Variants in GRIN3A observed in about 807,000 individuals in gnomAD.
GRIN3A encodes glutamate ionotropic receptor NMDA type subunit 3A, also known as glutamate receptor ionotropic, NMDA 3A.
GRIN3A carries 47 observed loss-of-function variants against 92.4 expected under a neutral mutation model. That is an observed-to-expected ratio of 0.51 (90% CI 0.40 to 0.65). GRIN3A has a LOEUF of 0.65. GRIN3A is among the 30% of genes least tolerant of loss of function. GRIN3A has a pLI of 0.00. For missense variants in GRIN3A, 1,324 were observed against 1,393.1 expected (o/e 0.95, Z 0.79); for synonymous variants, 527 against 540.6 (o/e 0.97, Z 0.35).
At chr9:101,652,304 A>G (rs551161411) in intron 3 of GRIN3A, among the ~76,000 whole-genome samples, 1 of 152,108 alleles carries the variant, frequency 6.6e-6, no homozygotes, top group South Asian at 2.1e-4. Flanking sequence ...GCAAATGTTT[A>G]TCAAGTGCCA....
At chr9:101,644,462 A>AAAAAAT (rs1828908716) in intron 3 of GRIN3A, among the ~76,000 whole-genome samples, 2 of 126,736 alleles carry the variant, frequency 1.6e-5, no homozygotes, top group African/African-American at 9.1e-5. Flanking sequence ...TAGTCACTCA[A>AAAAAAT]AAAAAAAAAA....
Position 101,633,657 on chromosome 9 carries a change from A to C in GRIN3A, c.2353-5256T>G, listed in dbSNP as rs556318883. Among the ~76,000 whole-genome samples the C allele has an allele frequency of 2.0e-5, 3 of 152,290 alleles. No individual in the cohort carries two copies. The South Asian group carries it at 6.2e-4, about 32-fold the overall frequency. ...GCATGAACCCTATTGTGAACTGCAA[A>C]TGTGAGAGATCTAGGTTGCACATCC... On this transcript the variant is annotated intron_variant, in intron 3 of 8. Coordinates refer to ENST00000361820, the MANE Select transcript of GRIN3A (RefSeq NM_133445.3).
chr9:101,614,486 T>C (rs916836428), intron 5 of GRIN3A, among the ~76,000 whole-genome samples: 4 of 152,080 alleles, frequency 2.6e-5, no homozygotes, highest in African/African-American at 9.7e-5. Context: ...TAATATGCCA[T>C]TGAATGAAAA....
At chr9:101,627,738 A>T (rs1785756752) in intron 4 of GRIN3A, among the ~76,000 whole-genome samples, 1 of 152,202 alleles carries the variant, frequency 6.6e-6, no homozygotes, top group African/African-American at 2.4e-5. Flanking sequence ...CTTCTCATAA[A>T]TTCTGATGAG....
chr9:101,627,913 A>C (rs2417290), intron 4 of GRIN3A, among the ~76,000 whole-genome samples: 42,704 of 152,038 alleles, frequency 0.28, 6,459 homozygotes, highest in East Asian at 0.46. Context: ...TCCTCTGGCC[A>C]TATTCCCTGT....
chr9:101,712,685 AT>A (rs1199059937), intron 1 of GRIN3A, among the ~76,000 whole-genome samples: 1 of 152,240 alleles, frequency 6.6e-6, no homozygotes, highest in African/African-American at 2.4e-5. Flanking sequence ...CTCTAAAAAC[AT>A]CTACTAATAA....
chr9:101,632,969 T>A (rs577614421), intron 3 of GRIN3A, among the ~76,000 whole-genome samples: 1 of 152,326 alleles, frequency 6.6e-6, no homozygotes, highest in East Asian at 1.9e-4. Context: ...TCAACCTTTT[T>A]AGGCCTTGGG....
intron 1 of GRIN3A, among the ~76,000 whole-genome samples, chr9:101,693,421 G>GA (rs200855469): frequency 0.019 from 2,819 of 146,418 alleles, 63 homozygotes; most frequent in Admixed American, 0.051. Context: ...CTGTCTAAAA[G>GA]AAAAAAAAAA....
intron 3 of GRIN3A, among the ~76,000 whole-genome samples, chr9:101,645,715 AATGTTATATATTAT>A (rs1408614558): frequency 2.7e-5 from 4 of 147,974 alleles, no homozygotes; most frequent in East Asian, 3.9e-4. Flanking sequence ...ATATATATTA[AATGTTATATATTAT>A]ATGTTATATA....
chr9:101,695,053 C>T (rs115248109), intron 1 of GRIN3A, among the ~76,000 whole-genome samples: 292 of 152,200 alleles, frequency 1.9e-3, no homozygotes, highest in African/African-American at 6.7e-3. Flanking sequence ...TCCTCTTTTG[C>T]GTAATGAAAA....
chr9:101,608,619 T>A (rs1828317157), intron 6 of GRIN3A, among the ~76,000 whole-genome samples: 1 of 152,194 alleles, frequency 6.6e-6, no homozygotes, highest in South Asian at 2.1e-4. Flanking sequence ...TTATCATATG[T>A]AGGAATATGC....
At chr9:101,670,021 A>C in intron 3 of GRIN3A, 39 bp downstream of exon 3, 1 of 1,399,278 alleles carries the variant, frequency 7.1e-7, no homozygotes, top group Non-Finnish European at 1.0e-6. Flanking sequence ...CGGAATTATA[A>C]TGGACAATCA....
In GRIN3A at chr9:101,631,965, G is replaced by C. The variant is rs78203246; in HGVS notation, c.2353-3564C>G. ...CTCACTTGCTTAATGCCCATCAATGGCTCCCCCATGGCCCTTGGGATGAAG... is the reference window on the plus strand; with the variant it reads ...CTCACTTGCTTAATGCCCATCAATGCCTCCCCCATGGCCCTTGGGATGAAG... On this transcript the variant is annotated intron_variant, in intron 3 of 8. Transcript: ENST00000361820. Among the ~76,000 whole-genome samples, 128 of 152,150 alleles carry C rather than the reference G, an allele frequency of 8.4e-4. 1 individual carries two copies. Among genetic ancestry groups the C allele is most frequent in the African/African-American group, 2.6e-3 (109 of 41,492 alleles).
At chr9:101,669,129 C>T (rs188971847) in intron 3 of GRIN3A, among the ~76,000 whole-genome samples, 40 of 152,218 alleles carry the variant, frequency 2.6e-4, no homozygotes, top group African/African-American at 3.9e-4. Flanking sequence ...GAATGCACTG[C>T]AGCTTCAGAT....
chr9:101,722,207 C>G (rs1694424527), intron 1 of GRIN3A, among the ~76,000 whole-genome samples: 1 of 152,240 alleles, frequency 6.6e-6, no homozygotes, highest in Non-Finnish European at 1.5e-5. Flanking sequence ...AAGCCCCAAG[C>G]CTTAGCAGCT....
intron 6 of GRIN3A, among the ~76,000 whole-genome samples, chr9:101,610,248 C>T (rs11789610): frequency 0.077 from 11,785 of 152,274 alleles, 520 homozygotes; most frequent in Middle Eastern, 0.12. Context: ...GAGAACTACG[C>T]TCTGGGTACA....
chr9:101,639,143 T>C (rs1028573116), intron 3 of GRIN3A, among the ~76,000 whole-genome samples: 3 of 152,210 alleles, frequency 2.0e-5, no homozygotes, highest in African/African-American at 7.2e-5. Context: ...TCAGTTGTTA[T>C]GCATACTTAC....
intron 1 of GRIN3A, among the ~76,000 whole-genome samples, chr9:101,705,687 C>T (rs1829809274): frequency 6.6e-6 from 1 of 152,160 alleles, no homozygotes; most frequent in Non-Finnish European, 1.5e-5. Flanking sequence ...ACACGTCCTG[C>T]AAAGGGGGAT....
chr9:101,707,461 C>A (rs973476590), intron 1 of GRIN3A, among the ~76,000 whole-genome samples: 21 of 152,168 alleles, frequency 1.4e-4, no homozygotes, highest in Admixed American at 6.5e-5. Flanking sequence ...AAAAACCTCC[C>A]TTTTGGTTGC....
Sources: allele counts gnomAD v4.1 joint callset (sites outside exome capture counted in the v4.1 genomes callset), GRCh38; gene constraint gnomAD v4.1.1; transcripts MANE v1.5; gene names NCBI Gene and HGNC (gene_info 2026-07-23, HGNC 2026-07-21).